Variants in SIPA1L1 observed in about 807,000 individuals in gnomAD.
SIPA1L1 encodes the protein signal-induced proliferation-associated 1-like protein 1.
A neutral mutation model predicts 162.7 loss-of-function variants in SIPA1L1; 26 were observed. The ratio of observed to expected loss-of-function variants is 0.16; its 90% CI spans 0.12 to 0.22. SIPA1L1 has a LOEUF of 0.22. Among genes scored for constraint, SIPA1L1 ranks in the 10% least tolerant of loss-of-function variants. The pLI, the probability that SIPA1L1 is intolerant of heterozygous loss-of-function variation, is 1.00. For synonymous variants in SIPA1L1, 829 were observed against 837.4 expected (o/e 0.99, Z 0.17); for missense variants, 1,874 against 2,241.0 (o/e 0.84, Z 3.31).
At chr14:71,722,298 A>G (rs1304671648) in intron 17 of SIPA1L1, among the ~76,000 whole-genome samples, 1 of 152,210 alleles carries the variant, frequency 6.6e-6, no homozygotes, top group Non-Finnish European at 1.5e-5. Flanking sequence ...CTGTGGAGGC[A>G]CAGTTGTTAG....
rs114895905 is a variant in SIPA1L1, at chr14:71,533,504, C to T, written c.-303+4134C>T. 8.6e-3 allele frequency among the ~76,000 whole-genome samples: 1,308 copies of T among 152,244 alleles called. 20 individuals carry two copies. Among genetic ancestry groups the T allele is most frequent in the African/African-American group, 0.029 (1,224 of 41,548 alleles). On this transcript the variant is annotated intron_variant, in intron 4 of 23. Coordinates refer to ENST00000381232, the MANE Select transcript of SIPA1L1 (RefSeq NM_001386936.1). Reference sequence around the variant, plus strand: ...TGGCTTTTTAATATGTGAATAAACCCTTATTTTCATGTTGGAATATATGTG... The same window carrying T: ...TGGCTTTTTAATATGTGAATAAACCTTTATTTTCATGTTGGAATATATGTG...
intron 2 of SIPA1L1, among the ~76,000 whole-genome samples, chr14:71,408,267 A>G (rs1312190472): frequency 2.0e-5 from 3 of 152,302 alleles, no homozygotes; most frequent in East Asian, 1.9e-4. Flanking sequence ...GGTCTTTGCT[A>G]CAGAGAAGCA....
intron 10 of SIPA1L1, among the ~76,000 whole-genome samples, chr14:71,667,538 G>A (rs910238920): frequency 6.6e-6 from 1 of 152,178 alleles, no homozygotes; most frequent in Admixed American, 6.5e-5. Context: ...TGATTGGCAC[G>A]TGTTTGATCT....
intron 4 of SIPA1L1, among the ~76,000 whole-genome samples, chr14:71,554,582 CTTG>C (rs901223611): frequency 9.2e-5 from 14 of 152,044 alleles, no homozygotes; most frequent in Non-Finnish European, 1.9e-4. Flanking sequence ...ATAAAGAGAG[CTTG>C]TTGTTGTTGT....
chr14:71,589,260 T>G lies in SIPA1L1; in HGVS notation c.1388T>G (p.Leu463Arg). The change falls in exon 5 of 24, where the codon CTT (leucine) becomes CGT (arginine). Residue 463 changes from leucine to arginine, a missense_variant. This residue lies in a region of SIPA1L1 where 685 missense variants were observed against 828.0 expected (regional missense o/e 0.83). Transcript: ENST00000381232. ...SHCTNAGVAV[L>R]EVPKENLVLH... ...TGCACAAATGCAGGAGTGGCAGTACTTGAAGTGCCCAAGGAGAACTTGGTG... is the reference window on the plus strand; with the variant it reads ...TGCACAAATGCAGGAGTGGCAGTACGTGAAGTGCCCAAGGAGAACTTGGTG... 1 of 1,614,042 alleles carries G rather than the reference T, an allele frequency of 6.2e-7. No homozygotes were observed. The highest frequency in any genetic ancestry group is 8.5e-7 in the Non-Finnish European group (1 of 1,179,904).
At chr14:71,441,717 GA>G (rs1290380724) in intron 2 of SIPA1L1, among the ~76,000 whole-genome samples, 2 of 152,170 alleles carry the variant, frequency 1.3e-5, no homozygotes, top group Non-Finnish European at 2.9e-5. Flanking sequence ...ATAGTGGATG[GA>G]AAGACTGGCT....
At chr14:71,631,486 T>C (rs2040568341) in intron 7 of SIPA1L1, among the ~76,000 whole-genome samples, 1 of 152,232 alleles carries the variant, frequency 6.6e-6, no homozygotes. Context: ...AGACTTTTTC[T>C]GTAGAATTGA....
At chr14:71,502,255 A>AAAAATATATATATATATAT (rs67020418) in intron 2 of SIPA1L1, among the ~76,000 whole-genome samples, 8 of 97,548 alleles carry the variant, frequency 8.2e-5, no homozygotes, top group African/African-American at 3.6e-4. Context: ...AAAAAAAAAA[A>AAAAATATATATATATATAT]ATATATATAT....
chr14:71,711,719 A>T (rs993339563), intron 17 of SIPA1L1, among the ~76,000 whole-genome samples: 1 of 152,210 alleles, frequency 6.6e-6, no homozygotes, highest in African/African-American at 2.4e-5. Context: ...CATTATCTGA[A>T]TGTGCTGACT....
chr14:71,362,240 T>C (rs117050789), intron 2 of SIPA1L1, among the ~76,000 whole-genome samples: 224 of 152,386 alleles, frequency 1.5e-3, no homozygotes, highest in East Asian at 2.7e-3. Flanking sequence ...TGAATTATTT[T>C]GTGATTTAGC....
At chr14:71,538,269 T>C (rs2054077135) in intron 4 of SIPA1L1, among the ~76,000 whole-genome samples, 1 of 152,212 alleles carries the variant, frequency 6.6e-6, no homozygotes, top group Non-Finnish European at 1.5e-5. Flanking sequence ...TTTCTAACTA[T>C]TCTTACTTTT....
rs375710676 is a variant in SIPA1L1, at chr14:71,550,260, AT to A, written c.-303+20899del. ...GTGAGACACTGTCTCAAAAACAGAA[AT>A]TTTTTTTTAAGTTTAAAAAAGCCAA... On this transcript the variant is annotated intron_variant, in intron 4 of 23. Coordinates refer to ENST00000381232, the MANE Select transcript of SIPA1L1 (RefSeq NM_001386936.1). 8.3e-4 allele frequency among the ~76,000 whole-genome samples: 126 copies of A among 151,824 alleles called. 3 individuals carry two copies. The East Asian group carries it at 0.023, about 28-fold the overall frequency.
chr14:71,573,309 C>T (rs1345351831), intron 4 of SIPA1L1, among the ~76,000 whole-genome samples: 1 of 152,150 alleles, frequency 6.6e-6, no homozygotes, highest in Non-Finnish European at 1.5e-5. Flanking sequence ...TTTGTTTTAC[C>T]ACCTATTTTC....
At chr14:71,498,965 G>T (rs1371549937) in intron 2 of SIPA1L1, among the ~76,000 whole-genome samples, 1 of 152,088 alleles carries the variant, frequency 6.6e-6, no homozygotes, top group Non-Finnish European at 1.5e-5. Flanking sequence ...AGCATTTTGG[G>T]AAAATTAGGA....
chr14:71,327,080 CTTTT>C (rs532549428), intron 2 of SIPA1L1, among the ~76,000 whole-genome samples: 3 of 127,702 alleles, frequency 2.3e-5, no homozygotes, highest in African/African-American at 2.9e-5. Flanking sequence ...TGATTGAAAT[CTTTT>C]TTTTTTTTTT....
chr14:71,531,002 G>A (rs183546579), intron 4 of SIPA1L1, among the ~76,000 whole-genome samples: 1 of 152,276 alleles, frequency 6.6e-6, no homozygotes, highest in Admixed American at 6.5e-5. Context: ...GGTTTTGAAT[G>A]GTCAATGAGT....
chr14:71,491,520 T>TTTGTTG (rs71105781), intron 2 of SIPA1L1, among the ~76,000 whole-genome samples: 90 of 151,136 alleles, frequency 6.0e-4, no homozygotes, highest in South Asian at 4.8e-3. Context: ...GAGCAACCTG[T>TTTGTTG]TTGTTGTTGT....
chr14:71,403,577 G>A (rs2041829504), intron 2 of SIPA1L1, among the ~76,000 whole-genome samples: 2 of 141,446 alleles, frequency 1.4e-5, no homozygotes, highest in African/African-American at 2.7e-5. Context: ...TGCAGCCTAG[G>A]TGACAGGCTG....
chr14:71,716,690 A>T (rs1251225179), intron 17 of SIPA1L1, among the ~76,000 whole-genome samples: 1 of 152,204 alleles, frequency 6.6e-6, no homozygotes, highest in Non-Finnish European at 1.5e-5. Flanking sequence ...AAAGTCAGCA[A>T]ATAGATGTAG....
Sources: gnomAD v4.1 joint callset for allele counts (sites outside exome capture counted in the v4.1 genomes callset) on GRCh38, gnomAD v4.1.1 for gene constraint, gnomAD v4.1.1 regional missense constraint, MANE v1.5 for transcripts, NCBI Gene and HGNC (gene_info 2026-07-23, HGNC 2026-07-21) for gene names.